Variants in TCP1 observed in about 807,000 individuals in gnomAD.
TCP1 encodes t-complex 1.
A neutral mutation model predicts 54.7 loss-of-function variants in TCP1; 6 were observed. The ratio of observed to expected loss-of-function variants is 0.11; its 90% CI spans 0.06 to 0.22. The LOEUF is 0.22. Among genes scored for constraint, TCP1 ranks in the 10% least tolerant of loss-of-function variants. TCP1 has a pLI of 1.00. For synonymous variants in TCP1, 225 were observed against 229.7 expected, an observed-to-expected ratio of 0.98 and a Z score of 0.19; for missense variants, 511 against 678.2, an observed-to-expected ratio of 0.75 and a Z score of 2.74.
rs1342974141 is a variant in TCP1 at position 159,789,562 on chromosome 6, G to A, written c.-94C>T. ...GACCGGCGACCACAGCAGTGGCTGC[G>A]ACGGCGTGGAGCGTACCCGAGCGAT... On this transcript the variant is annotated 5_prime_UTR_variant, in exon 1 of 12. Transcript: ENST00000321394. 2.1e-6 allele frequency: 3 copies of A among 1,452,882 alleles called. No homozygotes were observed. The highest frequency in any genetic ancestry group is 2.4e-5 in the South Asian group (2 of 84,334). The allele number at this position is 1,452,882 out of a possible 1,614,324, so 90.0% of individuals were successfully genotyped here. A position where few individuals can be genotyped will look rare whatever the true frequency, so the allele number is the denominator to read the frequency against.
chr6:159,779,468 G>T, intron 11 of TCP1, 159 bp downstream of exon 11: 1 of 1,078,376 alleles, frequency 9.3e-7, no homozygotes, highest in Non-Finnish European at 1.3e-6. Context: ...ATTATCCCTT[G>T]AATTACAGTG....
rs1271654411 is a variant in TCP1 at position 159,779,011 on chromosome 6, A to AAT, written c.*33_*34insAT. On this transcript the variant is annotated 3_prime_UTR_variant, in exon 12 of 12. Coordinates refer to ENST00000321394, the MANE Select transcript of TCP1 (RefSeq NM_030752.3). ...TCAACTCAAGGTACAAGACAATTGC[A>AAT]TTTAACATTGTTATAAATAAAAGGA... 2.0e-5 allele frequency: 32 copies of AAT among 1,599,638 alleles called. 1 individual carries two copies. The Admixed American group carries it at 5.4e-4, about 27-fold the overall frequency.
intron 7 of TCP1, among the ~76,000 whole-genome samples, chr6:159,783,389 T>TTTC (rs1430213086): frequency 6.7e-6 from 1 of 149,236 alleles, no homozygotes; most frequent in Non-Finnish European, 1.5e-5. Flanking sequence ...ATTTTTTTTT[T>TTTC]TTTTTTTTTT....
intron 5 of TCP1, chr6:159,785,180 G>A (rs920521070): frequency 1.3e-5 from 8 of 609,020 alleles, no homozygotes; most frequent in South Asian, 9.9e-5. Context: ...CTACGCACGC[G>A]TGCGCGCAAC....
At chr6:159,784,101 T>C in intron 6 of TCP1, 34 bp from the exon 7 acceptor site, 1 of 1,599,924 alleles carries the variant, frequency 6.3e-7, no homozygotes, top group Non-Finnish European at 8.5e-7. Flanking sequence ...TTAATACGTC[T>C]ATCCTTAAAA....
chr6:159,780,866 T>G (rs1780559827), intron 8 of TCP1, 69 bp downstream of exon 8: 1 of 1,489,542 alleles, frequency 6.7e-7, no homozygotes, highest in Non-Finnish European at 8.9e-7. Context: ...AATATTCCAA[T>G]GTAAAAAGAC....
Position 159,778,975 on chromosome 6 carries a change from A to C in TCP1, c.*70T>G, listed in dbSNP as rs1780503350. The C allele has an allele frequency of 6.4e-7, 1 of 1,562,844 alleles. No homozygotes were observed. The highest frequency in any genetic ancestry group is 8.7e-7 in the Non-Finnish European group (1 of 1,146,348). On this transcript the variant is annotated 3_prime_UTR_variant, in exon 12 of 12. Coordinates refer to ENST00000321394, the MANE Select transcript of TCP1 (RefSeq NM_030752.3). ...AGTTTACAGCTTGTACTTTACTTTA[A>C]TGTGTAATACTCAACTCAAGGTACA...
chr6:159,783,576 C>G (rs919400781), intron 7 of TCP1, among the ~76,000 whole-genome samples: 11 of 151,920 alleles, frequency 7.2e-5, no homozygotes, highest in Admixed American at 2.6e-4. Context: ...GACTGTCAGG[C>G]AGTCAAATCT....
chr6:159,789,328 G>A (rs1780790765), intron 1 of TCP1, 77 bp downstream of exon 1: 6 of 1,561,272 alleles, frequency 3.8e-6, no homozygotes, highest in African/African-American at 2.7e-5. Context: ...AGAGAAACGA[G>A]GGCAGCCGGG....
intron 7 of TCP1, 136 bp from the exon 8 acceptor site, chr6:159,781,246 A>C: frequency 1.2e-6 from 1 of 831,692 alleles, no homozygotes; most frequent in Non-Finnish European, 1.7e-6. Context: ...AATTTAAATT[A>C]GTCCAATTCA....
Position 159,787,878 on chromosome 6 carries a change from A to G in TCP1, c.151-7T>C. On this transcript the variant is annotated splice_region_variant and splice_polypyrimidine_tract_variant and intron_variant, in intron 2 of 11. Transcript: ENST00000321394. ...CGTTAGTAATGGTTACATCCTAAGA[A>G]ATTCGCAGGAAAAAATATGAACCAC... 1 of 1,613,456 alleles carries G rather than the reference A, an allele frequency of 6.2e-7. No individual in the cohort carries two copies. Among genetic ancestry groups the G allele is most frequent in the Non-Finnish European group, 8.5e-7 (1 of 1,179,426 alleles).
intron 11 of TCP1, among the ~76,000 whole-genome samples, 171 bp from the exon 12 acceptor site, chr6:159,779,432 A>G (rs1043562159): frequency 6.6e-6 from 1 of 152,222 alleles, no homozygotes; most frequent in Admixed American, 6.5e-5. Flanking sequence ...CAGTTAACGA[A>G]GACACACCAG....
rs1562481118 is a variant in TCP1 at position 159,778,738 on chromosome 6, A to G, written c.*307T>C. On this transcript the variant is annotated 3_prime_UTR_variant, in exon 12 of 12. Transcript: ENST00000321394. ...TGTCGAATTCTTGTGACCCTGTTAC[A>G]CACACTGGAGAGAATGGGCAGAAGT... 2.5e-6 allele frequency: 4 copies of G among 1,614,248 alleles called. No individual in the cohort carries two copies. Among genetic ancestry groups the G allele is most frequent in the Non-Finnish European group, 3.4e-6 (4 of 1,180,042 alleles).
At chr6:159,781,820 AAAG>A (rs1287817118) in intron 7 of TCP1, among the ~76,000 whole-genome samples, 5 of 152,212 alleles carry the variant, frequency 3.3e-5, no homozygotes, top group Admixed American at 1.3e-4. Flanking sequence ...TGAAAGCACA[AAAG>A]AAGGCAGAAC....
At chr6:159,785,615 A>G in intron 4 of TCP1, 119 bp from the exon 5 acceptor site, 1 of 874,104 alleles carries the variant, frequency 1.1e-6, no homozygotes, top group Non-Finnish European at 1.9e-6. Context: ...CAGCCATTTC[A>G]TATAGGAGGA....
In TCP1 at chr6:159,778,579, TAA is replaced by T; in HGVS notation, c.*464_*465del. The T allele has an allele frequency of 1.3e-6, 2 of 1,483,074 alleles. No individual in the cohort carries two copies. Among genetic ancestry groups the T allele is most frequent in the South Asian group, 2.5e-5 (2 of 80,120 alleles). The allele number at this position is 1,483,074 out of a possible 1,614,324, so 91.9% of individuals were successfully genotyped here. On this transcript the variant is annotated 3_prime_UTR_variant, in exon 12 of 12. Transcript: ENST00000321394. ...TTGAAAGGGTAGCATGCTGATACAT[TAA>T]GAGGAAAAAGACAAGTTTAAGATTT...
chr6:159,780,036 G>A lies in TCP1; in HGVS notation c.1149C>T (p.Phe383=), dbSNP rs1780534319. Residue 383 remains phenylalanine (F), a synonymous_variant, in exon 10 of 12, where the codon TTC becomes TTT. Coordinates refer to ENST00000321394, the MANE Select transcript of TCP1 (RefSeq NM_030752.3). ...ASIILRGAND[F]MCDEMERSLH... Reference sequence around the variant, plus strand: ...AAGAGCGCTCCATCTCATCACACATGAAATCATTTGCCCCACGTAAGATAA... The same window carrying A: ...AAGAGCGCTCCATCTCATCACACATAAAATCATTTGCCCCACGTAAGATAA... The A allele has an allele frequency of 1.2e-6, 2 of 1,613,956 alleles. No homozygotes were observed. The highest frequency in any genetic ancestry group is 2.7e-5 in the African/African-American group (2 of 74,896).
rs1185849745 is a variant in TCP1 at position 159,786,917 on chromosome 6, C to T, written c.279+826G>A. 2.6e-5 allele frequency among the ~76,000 whole-genome samples: 4 copies of T among 151,976 alleles called. No individual in the cohort carries two copies. The East Asian group carries it at 7.7e-4, about 29-fold the overall frequency. ...ATGTATTTATTAATTTCTCACACTC[C>T]CATTTTGAATTCCTGAGATTACCTG... is the stretch of plus-strand genomic sequence containing the variant. On this transcript the variant is annotated intron_variant, in intron 3 of 11. Transcript: ENST00000321394.
In TCP1 at chr6:159,778,803, A is replaced by G. The variant is rs1780496835; in HGVS notation, c.*242T>C. The G allele has an allele frequency of 6.2e-7, 1 of 1,614,234 alleles. No individual in the cohort carries two copies. Among genetic ancestry groups the G allele is most frequent in the Non-Finnish European group, 8.5e-7 (1 of 1,180,038 alleles). On this transcript the variant is annotated 3_prime_UTR_variant, in exon 12 of 12. Coordinates refer to ENST00000321394, the MANE Select transcript of TCP1 (RefSeq NM_030752.3). ...CCTGTGCATTGGGGGTGGGATGGGA[A>G]TAGCAATGTGTGTTCAGAGAGAATG... is the stretch of plus-strand genomic sequence containing the variant.
Sources: gnomAD v4.1 joint callset for allele counts (sites outside exome capture counted in the v4.1 genomes callset) on GRCh38, gnomAD v4.1.1 for gene constraint, MANE v1.5 for transcripts, NCBI Gene and HGNC (gene_info 2026-07-23, HGNC 2026-07-21) for gene names.